The following KLHL1 variants were observed in gnomAD, a reference collection of about 807,000 sequenced individuals.
The protein encoded by KLHL1 is kelch-like protein 1.
In KLHL1, 47 loss-of-function variants were observed where a neutral mutation model predicts 77.7. The ratio of observed to expected loss-of-function variants is 0.60; its 90% confidence interval spans 0.48 to 0.77. The LOEUF (loss-of-function observed/expected upper bound fraction) is 0.77, where lower values mean the gene tolerates loss of function less well. Ranked by LOEUF, KLHL1 falls within the 30% of genes least tolerant of loss-of-function variation. The pLI is 0.00. For synonymous variants in KLHL1, 360 were observed against 325.2 expected (o/e 1.11, Z -1.15); for missense variants, 925 against 910.8 (o/e 1.02, Z -0.20).
At chr13:70,025,443 T>C (rs1885917592) in intron 1 of KLHL1, among the ~76,000 whole-genome samples, 1 of 151,994 alleles carries the variant, frequency 6.6e-6, no homozygotes, top group Admixed American at 6.6e-5. Context: ...GTTAGTCTTG[T>C]TTTGTTTTTT....
chr13:69,992,585 G>A (rs1566480436), intron 1 of KLHL1, among the ~76,000 whole-genome samples: 1 of 151,972 alleles, frequency 6.6e-6, no homozygotes, highest in Non-Finnish European at 1.5e-5. Context: ...AAATTCATAT[G>A]AGACCATAAA....
At chr13:70,012,535 G>T (rs1885560318) in intron 1 of KLHL1, among the ~76,000 whole-genome samples, 1 of 151,932 alleles carries the variant, frequency 6.6e-6, no homozygotes. Context: ...GGGGGAGGGG[G>T]ACTTGAAGAT....
At chr13:69,862,057 T>C (rs1371853931) in intron 5 of KLHL1, among the ~76,000 whole-genome samples, 1 of 151,564 alleles carries the variant, frequency 6.6e-6, no homozygotes, top group East Asian at 1.9e-4. Flanking sequence ...CAATGAATAT[T>C]ATCGTTGTTT....
intron 7 of KLHL1, among the ~76,000 whole-genome samples, chr13:69,785,599 T>A (rs1876495770): frequency 7.7e-6 from 1 of 130,232 alleles, no homozygotes; most frequent in African/African-American, 3.0e-5. Flanking sequence ...AATTAAAAAC[T>A]AGAAAAGCAA....
At chr13:69,946,411 T>C (rs765417268) in intron 3 of KLHL1, among the ~76,000 whole-genome samples, 6 of 152,232 alleles carry the variant, frequency 3.9e-5, no homozygotes, top group Non-Finnish European at 8.8e-5. Context: ...AGTTGACAAG[T>C]AGATAGAAAC....
At position 69,895,906 on chromosome 13, in the gene KLHL1, C is replaced by A. The variant is rs1200254628; in HGVS notation, c.1015-13411G>T. Among the ~76,000 whole-genome samples, 3 of 151,906 alleles carry A rather than the reference C, an allele frequency of 2.0e-5. No individual in the cohort carries two copies. The East Asian group carries it at 5.8e-4, about 29-fold the overall frequency. On this transcript the variant is annotated intron_variant, in intron 4 of 10. Transcript: ENST00000377844. ...ATTTTTTAGTAGAGACAGGGTTTTG[C>A]CAGGTTAATCAGGCTGCTCTTGAAC...
chr13:69,796,853 G>A lies in KLHL1; in HGVS notation c.1524C>T (p.Leu508=), dbSNP rs1257274480. 6.2e-7 allele frequency: 1 copy of A among 1,613,932 alleles called. No individual in the cohort carries two copies. The highest frequency in any genetic ancestry group is 1.7e-5 in the Admixed American group (1 of 60,004). ...AGCCATCTCGACCTCCAATTACAAAGAGTTTGTCATCAATAACAGCCACAC... is the reference window on the plus strand; with the variant it reads ...AGCCATCTCGACCTCCAATTACAAAAAGTTTGTCATCAATAACAGCCACAC... ...QFGVAVIDDK[L]FVIGGRDGLK... The change falls in exon 7 of 11, where the codon CTC becomes CTT. Residue 508 remains leucine, a synonymous_variant. Coordinates refer to ENST00000377844, the MANE Select transcript of KLHL1 (RefSeq NM_020866.3).
chr13:69,989,990 C>T (rs1287401584), intron 1 of KLHL1, among the ~76,000 whole-genome samples: 1 of 151,684 alleles, frequency 6.6e-6, no homozygotes, highest in Non-Finnish European at 1.5e-5. Context: ...CAGCAGAAAC[C>T]CTACAAGCCA....
At chr13:69,819,291 T>C (rs1878245664) in intron 6 of KLHL1, among the ~76,000 whole-genome samples, 1 of 152,230 alleles carries the variant, frequency 6.6e-6, no homozygotes, top group Admixed American at 6.5e-5. Context: ...TCCTTAAAGT[T>C]ATGTAATTTA....
intron 1 of KLHL1, among the ~76,000 whole-genome samples, chr13:70,040,561 T>A (rs975854470): frequency 6.6e-6 from 1 of 152,220 alleles, no homozygotes; most frequent in Non-Finnish European, 1.5e-5. Flanking sequence ...TGATTTCTGA[T>A]GGGAAATCAC....
At chr13:69,724,121 T>A (rs768654387) in intron 8 of KLHL1, among the ~76,000 whole-genome samples, 4 of 152,096 alleles carry the variant, frequency 2.6e-5, no homozygotes, top group African/African-American at 4.8e-5. Flanking sequence ...AGTCGTGAGA[T>A]ACCGTGCCTG....
chr13:69,808,068 C>G (rs994926227), intron 6 of KLHL1, among the ~76,000 whole-genome samples: 7 of 152,214 alleles, frequency 4.6e-5, no homozygotes, highest in African/African-American at 1.7e-4. Flanking sequence ...GCAAGTATAA[C>G]ACCAGCTACT....
At chr13:69,969,561 T>G (rs1280121761) in intron 2 of KLHL1, among the ~76,000 whole-genome samples, 1 of 152,122 alleles carries the variant, frequency 6.6e-6, no homozygotes, top group Non-Finnish European at 1.5e-5. Flanking sequence ...CTTAATCTTA[T>G]GCATAAAACG....
rs916481400 is a variant in KLHL1 at position 69,719,675 on chromosome 13, G to T, written c.1803-94C>A. ...TTAAAATAAATTTTCACAGTATGAGGCTCAAACGTGTTGGAAATATATTAC... is the reference window on the plus strand; with the variant it reads ...TTAAAATAAATTTTCACAGTATGAGTCTCAAACGTGTTGGAAATATATTAC... On this transcript the variant is annotated intron_variant, in intron 8 of 10. Coordinates refer to ENST00000377844, the MANE Select transcript of KLHL1 (RefSeq NM_020866.3). 45 of 857,754 alleles carry T rather than the reference G, an allele frequency of 5.2e-5. No homozygotes were observed. In the Admixed American group the frequency reaches 6.0e-4, roughly 11 times the overall value. The allele number at this position is 857,754 out of a possible 1,614,324, so 53.1% of individuals were successfully genotyped here.
intron 4 of KLHL1, among the ~76,000 whole-genome samples, chr13:69,882,868 G>A (rs114693050): frequency 0.013 from 2,051 of 152,246 alleles, 43 homozygotes; most frequent in African/African-American, 0.047. Flanking sequence ...ACATATATAT[G>A]AGGATCAGAA....
intron 7 of KLHL1, among the ~76,000 whole-genome samples, chr13:69,780,129 A>G (rs1013608745): frequency 1.3e-5 from 2 of 152,148 alleles, no homozygotes; most frequent in Non-Finnish European, 2.9e-5. Flanking sequence ...TTTATCAATC[A>G]GATATCCATA....
At chr13:69,763,774 C>A (rs1207652284) in intron 7 of KLHL1, among the ~76,000 whole-genome samples, 2 of 152,158 alleles carry the variant, frequency 1.3e-5, no homozygotes, top group African/African-American at 4.8e-5. Flanking sequence ...AATGGAGTCA[C>A]TAGTGCTAAA....
chr13:69,810,152 G>A (rs1047904283), intron 6 of KLHL1, among the ~76,000 whole-genome samples: 1 of 152,042 alleles, frequency 6.6e-6, no homozygotes, highest in African/African-American at 2.4e-5. Context: ...AACTAACGAA[G>A]AAATTCTGGA....
chr13:69,916,610 G>C (rs1487656122), intron 4 of KLHL1, among the ~76,000 whole-genome samples: 2 of 151,998 alleles, frequency 1.3e-5, no homozygotes, highest in Non-Finnish European at 2.9e-5. Flanking sequence ...GGAAGGGGGA[G>C]GGATAGCATT....
Sources: allele counts gnomAD v4.1 joint callset (sites outside exome capture counted in the v4.1 genomes callset), GRCh38; gene constraint gnomAD v4.1.1; transcripts MANE v1.5; gene names NCBI Gene and HGNC (gene_info 2026-07-23, HGNC 2026-07-21).